PCDHGA5: variants seen among roughly 807,000 people sequenced by gnomAD.
PCDHGA5 encodes the protein protocadherin gamma subfamily A, 5.
PCDHGA5 carries 36 observed loss-of-function variants against 56.7 expected under a neutral mutation model. The ratio of observed to expected loss-of-function variants is 0.64; its 90% CI spans 0.49 to 0.84. PCDHGA5 has a LOEUF of 0.84. Ranked by LOEUF, PCDHGA5 falls within the 40% of genes least tolerant of loss-of-function variation. PCDHGA5 has a pLI of 0.00. For missense variants in PCDHGA5, 1,305 were observed against 1,201.5 expected (o/e 1.09, Z -1.27); for synonymous variants, 563 against 520.2 (o/e 1.08, Z -1.12).
At chr5:141,412,139 T>C (rs1380576842) in intron 1 of PCDHGA5, 1 of 152,250 alleles carries the variant, frequency 6.6e-6, no homozygotes, top group Non-Finnish European at 1.5e-5. Flanking sequence ...TGGCCTCTGA[T>C]ACAAACTGCC....
chr5:141,421,787 C>A (rs753196648), intron 1 of PCDHGA5: 1 of 1,613,812 alleles, frequency 6.2e-7, no homozygotes, highest in East Asian at 2.2e-5. Flanking sequence ...CGGGGCAGAA[C>A]GGATGGGGCC....
chr5:141,423,501 C>G, intron 1 of PCDHGA5: 1 of 1,613,990 alleles, frequency 6.2e-7, no homozygotes, highest in African/African-American at 1.3e-5. Flanking sequence ...CCCACGAGGT[C>G]TCTCTCATTG....
At chr5:141,372,180 G>C in intron 1 of PCDHGA5, 1 of 1,613,652 alleles carries the variant, frequency 6.2e-7, no homozygotes, top group South Asian at 1.1e-5. Flanking sequence ...GGCGGTGGAC[G>C]CAGACTCGGG....
chr5:141,413,578 C>G, intron 1 of PCDHGA5: 1 of 1,613,870 alleles, frequency 6.2e-7, no homozygotes, highest in Non-Finnish European at 8.5e-7. Flanking sequence ...TGACAATGCT[C>G]CAAAATTCCA....
intron 1 of PCDHGA5, chr5:141,409,602 C>T (rs940700383): frequency 6.2e-7 from 1 of 1,613,932 alleles, no homozygotes; most frequent in South Asian, 1.1e-5. Flanking sequence ...AACAACCCGC[C>T]AGGAGCCTCC....
rs1419365808 is a variant in PCDHGA5 at position 141,477,321 on chromosome 5, C to G, written c.2422-17486C>G. 1.2e-6 allele frequency: 2 copies of G among 1,614,160 alleles called. No homozygotes were observed. Among genetic ancestry groups the G allele is most frequent in the East Asian group, 4.5e-5 (2 of 44,874 alleles). On this transcript the variant is annotated intron_variant, in intron 1 of 3. Coordinates refer to ENST00000518069, the MANE Select transcript of PCDHGA5 (RefSeq NM_018918.3). The surrounding 1 kb of genome is among the most constrained non-coding windows in gnomAD (Gnocchi z 4.9). Reference sequence around the variant, plus strand: ...GGTCTCCCTTTCAGCCTTACTTCTTCCCTCAAGAATTACTTCACTTTGAAA... The same window carrying G: ...GGTCTCCCTTTCAGCCTTACTTCTTGCCTCAAGAATTACTTCACTTTGAAA...
intron 3 of PCDHGA5, among the ~76,000 whole-genome samples, chr5:141,507,582 T>G (rs1221383898): frequency 6.6e-6 from 1 of 152,264 alleles, no homozygotes; most frequent in Non-Finnish European, 1.5e-5. Flanking sequence ...AGATGCCAAG[T>G]TGGCCTCTTG....
At chr5:141,467,008 AT>A (rs1165146249) in intron 1 of PCDHGA5, among the ~76,000 whole-genome samples, 2 of 150,270 alleles carry the variant, frequency 1.3e-5, no homozygotes, top group Non-Finnish European at 3.0e-5. Context: ...TTGCAATGCA[AT>A]TTTTTTCCCT....
At chr5:141,417,532 T>C (rs2096129143) in intron 1 of PCDHGA5, 1 of 284,726 alleles carries the variant, frequency 3.5e-6, no homozygotes, top group African/African-American at 2.2e-5. Flanking sequence ...ACTCGTAGTT[T>C]AAAAAAAATT....
intron 1 of PCDHGA5, chr5:141,430,693 C>A: frequency 1.4e-6 from 2 of 1,425,428 alleles, no homozygotes; most frequent in Admixed American, 2.6e-5. Context: ...ATTCTATGGG[C>A]GAAGGAACTG....
chr5:141,450,181 C>A (rs2098672863), intron 1 of PCDHGA5, among the ~76,000 whole-genome samples: 1 of 151,572 alleles, frequency 6.6e-6, no homozygotes, highest in African/African-American at 2.4e-5. Flanking sequence ...CCACACCCAG[C>A]TAATTTTTGT....
intron 1 of PCDHGA5, among the ~76,000 whole-genome samples, chr5:141,368,324 T>C (rs1238974511): frequency 6.6e-6 from 1 of 152,186 alleles, no homozygotes; most frequent in East Asian, 1.9e-4. Context: ...CATTCAAGTA[T>C]ATCTATATCT....
chr5:141,398,545 C>T (rs774657005), intron 1 of PCDHGA5: 2 of 1,613,768 alleles, frequency 1.2e-6, no homozygotes, highest in Non-Finnish European at 1.7e-6. Flanking sequence ...TTCCTTTGAG[C>T]TGCAAATAAG....
chr5:141,385,067 G>A (rs963028251), intron 1 of PCDHGA5: 3 of 1,614,158 alleles, frequency 1.9e-6, no homozygotes, highest in Non-Finnish European at 2.5e-6. Flanking sequence ...CACAAGTCAC[G>A]CCTGCTGCAG....
chr5:141,404,133 T>C, intron 1 of PCDHGA5: 1 of 1,613,108 alleles, frequency 6.2e-7, no homozygotes, highest in Non-Finnish European at 8.5e-7. Flanking sequence ...TCTTTTACAT[T>C]AGAAAATTCA....
At chr5:141,453,331 C>G (rs1224258701) in intron 1 of PCDHGA5, among the ~76,000 whole-genome samples, 1 of 151,962 alleles carries the variant, frequency 6.6e-6, no homozygotes, top group East Asian at 1.9e-4. Flanking sequence ...TGGGGTCTCA[C>G]TATGTTTCCC....
At chr5:141,506,563 C>T (rs925780739) in intron 3 of PCDHGA5, among the ~76,000 whole-genome samples, 2 of 152,062 alleles carry the variant, frequency 1.3e-5, no homozygotes, top group Non-Finnish European at 2.9e-5. Context: ...TAAACCCCCT[C>T]GGTTTCACTT....
rs61612330 is a variant in PCDHGA5 at position 141,454,796 on chromosome 5, A to ATTTTTTTTT, written c.2422-39990_2422-39982dup. Among the ~76,000 whole-genome samples the ATTTTTTTTT allele has an allele frequency of 8.2e-3, 638 of 77,468 alleles. 91 individuals carry two copies. The highest frequency in any genetic ancestry group is 0.025 in the African/African-American group (426 of 16,886). 50.8% of individuals were successfully genotyped at this position (77,468 alleles called of 152,430 possible). On this transcript the variant is annotated intron_variant, in intron 1 of 3. Coordinates refer to ENST00000518069, the MANE Select transcript of PCDHGA5 (RefSeq NM_018918.3). ...AAGGAAATAATCCTCCATGGTTCTA[A>ATTTTTTTTT]TTTTTTTTTTTTTTTTTTTTTTTTT...
At chr5:141,381,785 G>A (rs1349926565) in intron 1 of PCDHGA5, among the ~76,000 whole-genome samples, 1 of 149,782 alleles carries the variant, frequency 6.7e-6, no homozygotes, top group Non-Finnish European at 1.5e-5. Context: ...CAGGAACAAG[G>A]CAAGGCAATT....
Sources: gnomAD v4.1 joint callset for allele counts (sites outside exome capture counted in the v4.1 genomes callset) on GRCh38, gnomAD v4.1.1 for gene constraint, Gnocchi (gnomAD v3.1) non-coding constraint, MANE v1.5 for transcripts, NCBI Gene and HGNC (gene_info 2026-07-23, HGNC 2026-07-21) for gene names.